The following KDM6A variants were observed in gnomAD, a reference collection of about 807,000 sequenced individuals.
KDM6A encodes lysine demethylase 6A.
A neutral mutation model predicts 117.6 loss-of-function variants in KDM6A; 11 were observed. The ratio of observed to expected loss-of-function variants is 0.09; its 90% confidence interval spans 0.06 to 0.15. KDM6A has a LOEUF of 0.15. Ranked by LOEUF, KDM6A falls within the 10% of genes least tolerant of loss-of-function variation. The pLI is 1.00. For missense variants in KDM6A, 799 were observed against 1,077.3 expected, an observed-to-expected ratio of 0.74 and a Z score of 3.62; for synonymous variants, 384 against 396.1, an observed-to-expected ratio of 0.97 and a Z score of 0.36.
chrX:44,971,895 C>G (rs1341079840), intron 3 of KDM6A, among the ~76,000 whole-genome samples: 2 of 110,233 alleles, frequency 1.8e-5, no homozygotes, highest in South Asian at 7.8e-4. Flanking sequence ...AGTCTGCTGG[C>G]TCCACTGGGG....
intron 2 of KDM6A, among the ~76,000 whole-genome samples, chrX:44,931,352 G>A (rs752027156): frequency 2.7e-5 from 3 of 111,466 alleles, no homozygotes; most frequent in Non-Finnish European, 3.8e-5. Context: ...TGGGAATACC[G>A]GCGTGAACTA....
At chrX:45,025,683 CAGTT>C (rs1569523495) in intron 6 of KDM6A, among the ~76,000 whole-genome samples, 1 of 111,959 alleles carries the variant, frequency 8.9e-6, no homozygotes, top group Admixed American at 9.5e-5. Context: ...ATTCTTCAGT[CAGTT>C]AATGCCTGTG....
chrX:44,975,553 C>CTT (rs1287494726), intron 4 of KDM6A, among the ~76,000 whole-genome samples: 1 of 110,188 alleles, frequency 9.1e-6, no homozygotes, highest in Non-Finnish European at 1.9e-5. Flanking sequence ...TAATCTCTGG[C>CTT]TTTTTTTTAA....
At chrX:45,067,653 G>GTTTTTTTTTTTT (rs1192862756) in intron 17 of KDM6A, among the ~76,000 whole-genome samples, 1 of 83,304 alleles carries the variant, frequency 1.2e-5, no homozygotes, top group Non-Finnish European at 2.3e-5. Context: ...TCTTTTTTTT[G>GTTTTTTTTTTTT]TTTTTTTTTT....
intron 15 of KDM6A, among the ~76,000 whole-genome samples, chrX:45,061,765 T>C (rs922191554): frequency 5.4e-5 from 6 of 110,495 alleles, no homozygotes; most frequent in African/African-American, 2.0e-4. Context: ...GTGCTGAGAT[T>C]ACAGGTGTGA....
intron 2 of KDM6A, among the ~76,000 whole-genome samples, chrX:44,922,954 GTCTGCAAAAGTTTAATTT>G (rs1261743032): frequency 9.0e-6 from 1 of 111,290 alleles, no homozygotes; most frequent in Non-Finnish European, 1.9e-5. Context: ...TCTGTCTTTT[GTCTGCAAAAGTTTAATTT>G]TCTTCTTTAT....
At chrX:45,038,775 A>C (rs1455183669) in intron 8 of KDM6A, among the ~76,000 whole-genome samples, 2 of 111,644 alleles carry the variant, frequency 1.8e-5, no homozygotes, top group Non-Finnish European at 3.8e-5. Flanking sequence ...AAAATGAAAA[A>C]AAAGTATAAC....
Position 44,966,072 on chromosome X carries a change from TCTTTTAA to T in KDM6A, c.334+4689_334+4695del, listed in dbSNP as rs2038992569. Among the ~76,000 whole-genome samples, 4 of 111,273 alleles carry T rather than the reference TCTTTTAA, an allele frequency of 3.6e-5. No homozygotes were observed. The South Asian group carries it at 1.5e-3, about 42-fold the overall frequency. On this transcript the variant is annotated intron_variant, in intron 3 of 29. Transcript: ENST00000611820. ...TACTTAGTGGTTGTTAAACAATAAA[TCTTTTAA>T]CTTTTAACACTATGTTAGACTGTGA...
chrX:45,108,870 C>CA (rs1464963561), intron 28 of KDM6A, among the ~76,000 whole-genome samples: 3 of 98,941 alleles, frequency 3.0e-5, no homozygotes, highest in Non-Finnish European at 6.1e-5. Context: ...ATCGCAAGAA[C>CA]AAAAAACCAA....
chrX:45,032,579 A>G (rs73490962), intron 6 of KDM6A, among the ~76,000 whole-genome samples: 24,929 of 109,639 alleles, frequency 0.23, 4,414 homozygotes, highest in African/African-American at 0.62. Flanking sequence ...ACGCATTCTC[A>G]TTTTTTCTGC....
intron 4 of KDM6A, among the ~76,000 whole-genome samples, chrX:44,983,395 T>G (rs910116774): frequency 1.8e-5 from 2 of 111,859 alleles, no homozygotes; most frequent in African/African-American, 6.5e-5. Context: ...AATAAGATAG[T>G]TCCTGCTCTC....
chrX:45,067,037 A>T lies in KDM6A; in HGVS notation c.2080-2542A>T, dbSNP rs190497659. On this transcript the variant is annotated intron_variant, in intron 17 of 29. Transcript: ENST00000611820. ...TGGGAAGCCTCTGTCTCTGCTGTTG[A>T]TATATGGTATTAATATCATAGACTC... Among the ~76,000 whole-genome samples, 207 of 112,374 alleles carry T rather than the reference A, an allele frequency of 1.8e-3. 2 individuals are homozygous for T. Among genetic ancestry groups the T allele is most frequent in the African/African-American group, 6.5e-3 (202 of 30,968 alleles).
chrX:45,036,655 C>T (rs1179812080), intron 7 of KDM6A, among the ~76,000 whole-genome samples: 1 of 112,230 alleles, frequency 8.9e-6, no homozygotes, highest in African/African-American at 3.2e-5. Context: ...TATAAACCAT[C>T]TAGAATATAT....
At position 45,010,661 on chromosome X, in the gene KDM6A, AG is replaced by A. The variant is rs371929522; in HGVS notation, c.385-299del. Among the ~76,000 whole-genome samples the A allele has an allele frequency of 4.8e-3, 540 of 112,167 alleles. 5 individuals carry two copies. In the South Asian group the frequency reaches 0.061, roughly 13 times the overall value. ...GAGGAAGAATGTAGATACAAGCAAGAGAGAATAGGATAACATAGGCTGAGCA... is the reference window on the plus strand; with the variant it reads ...GAGGAAGAATGTAGATACAAGCAAGAAGAATAGGATAACATAGGCTGAGCA... On this transcript the variant is annotated intron_variant, in intron 4 of 29. Transcript: ENST00000611820.
At chrX:45,006,147 TC>T (rs1183803701) in intron 4 of KDM6A, among the ~76,000 whole-genome samples, 1 of 71,938 alleles carries the variant, frequency 1.4e-5, no homozygotes, top group Admixed American at 1.5e-4. Context: ...TACTGGCCAG[TC>T]CCCCCCAGCC....
At chrX:45,005,909 C>T (rs931479452) in intron 4 of KDM6A, among the ~76,000 whole-genome samples, 7 of 104,131 alleles carry the variant, frequency 6.7e-5, no homozygotes, top group East Asian at 6.3e-4. Context: ...TGTCTCACCT[C>T]TTTTTAACCT....
At chrX:45,082,918 CT>C in intron 23 of KDM6A, 129 bp downstream of exon 23, 1 of 500,376 alleles carries the variant, frequency 2.0e-6, no homozygotes, top group Non-Finnish European at 3.3e-6. Context: ...TGAATTTAAG[CT>C]AAACTTTTTT....
rs140866278 is a variant in KDM6A, at chrX:44,889,449, T to C, written c.225+15462T>C. ...AGATTCAGAGTATAACTCATAACTC[T>C]TAAGGAAACACTTAAAAAAAATTTT... On this transcript the variant is annotated intron_variant, in intron 2 of 29. Coordinates refer to ENST00000611820, the MANE Select transcript of KDM6A (RefSeq NM_001291415.2). Among the ~76,000 whole-genome samples, 4 of 112,278 alleles carry C rather than the reference T, an allele frequency of 3.6e-5. No homozygotes were observed. In the East Asian group the frequency reaches 1.1e-3, roughly 31 times the overall value.
intron 6 of KDM6A, among the ~76,000 whole-genome samples, chrX:45,022,792 A>C (rs1307801675): frequency 1.8e-5 from 2 of 111,727 alleles, no homozygotes; most frequent in African/African-American, 6.5e-5. Context: ...CAGGGACTCC[A>C]ACTCAAATTG....
Sources: allele counts gnomAD v4.1 joint callset (sites outside exome capture counted in the v4.1 genomes callset), GRCh38; gene constraint gnomAD v4.1.1; transcripts MANE v1.5; gene names NCBI Gene and HGNC (gene_info 2026-07-23, HGNC 2026-07-21).